Variants in IGBP1C observed in about 807,000 individuals in gnomAD.
IGBP1C encodes the protein IGBP1 family member C.
chr17:58,678,072 C>T, the IGBP1C span, among the ~76,000 whole-genome samples: 2 of 152,176 alleles, frequency 1.3e-5, no homozygotes, highest in African/African-American at 4.8e-5. Context: ...ATTGCTTGAA[C>T]CTGGTAGGCA....
At chr17:58,680,384 T>C in the IGBP1C span, among the ~76,000 whole-genome samples, 1 of 152,174 alleles carries the variant, frequency 6.6e-6, no homozygotes, top group Non-Finnish European at 1.5e-5. Context: ...ATGCTGTCTT[T>C]CAAACATGCA....
the IGBP1C span, among the ~76,000 whole-genome samples, chr17:58,682,936 G>A: frequency 6.6e-6 from 1 of 151,858 alleles, no homozygotes; most frequent in East Asian, 1.9e-4. Flanking sequence ...AAAAAAATGA[G>A]GAGCTGGATG....
chr17:58,661,808 T>C, the IGBP1C span: 1 of 488,182 alleles, frequency 2.0e-6, no homozygotes, highest in Non-Finnish European at 3.6e-6. Flanking sequence ...TTCGTCAAAC[T>C]TTGTCTCTCT....
At chr17:58,673,361 T>C in the IGBP1C span, among the ~76,000 whole-genome samples, 2 of 151,550 alleles carry the variant, frequency 1.3e-5, no homozygotes, top group African/African-American at 4.8e-5. Context: ...TGCACACCTG[T>C]AGTCCCAGCT....
At chr17:58,682,752 A>G in the IGBP1C span, among the ~76,000 whole-genome samples, 22 of 152,278 alleles carry the variant, frequency 1.4e-4, no homozygotes, top group African/African-American at 4.8e-4. Flanking sequence ...TTTCATTGCT[A>G]TTGGCCTAGT....
chr17:58,662,564 C>T, the IGBP1C span, among the ~76,000 whole-genome samples: 3 of 151,932 alleles, frequency 2.0e-5, no homozygotes, highest in East Asian at 1.9e-4. Context: ...AGTTCCCTTA[C>T]GTGTGGGGAA....
the IGBP1C span, among the ~76,000 whole-genome samples, chr17:58,684,792 T>C: frequency 2.0e-5 from 3 of 152,082 alleles, no homozygotes; most frequent in Admixed American, 2.0e-4. Context: ...CTGGCCAATA[T>C]GGCAAAACCC....
chr17:58,681,334 G>A, the IGBP1C span, among the ~76,000 whole-genome samples: 1 of 152,110 alleles, frequency 6.6e-6, no homozygotes, highest in Non-Finnish European at 1.5e-5. Flanking sequence ...AGGTGTCTTA[G>A]ATGGGGAGAA....
the IGBP1C span, among the ~76,000 whole-genome samples, chr17:58,690,206 G>A: frequency 6.6e-6 from 1 of 151,528 alleles, no homozygotes; most frequent in South Asian, 2.1e-4. Flanking sequence ...TCGCTCTGTC[G>A]CCCAGATTGG....
the IGBP1C span, chr17:58,675,600 TATA>T: frequency 6.6e-6 from 1 of 152,208 alleles, no homozygotes; most frequent in Admixed American, 6.6e-5. Flanking sequence ...AATTGTATGG[TATA>T]ATATTAACAG....
the IGBP1C span, among the ~76,000 whole-genome samples, chr17:58,668,828 A>C: frequency 5.3e-5 from 8 of 152,120 alleles, no homozygotes; most frequent in Non-Finnish European, 1.2e-4. Context: ...CCACCCTAAC[A>C]TCCTACCCAA....
At chr17:58,681,057 G>A in the IGBP1C span, among the ~76,000 whole-genome samples, 2 of 151,766 alleles carry the variant, frequency 1.3e-5, no homozygotes, top group Non-Finnish European at 2.9e-5. Context: ...TGAGGTGGGT[G>A]GATCACCTGA....
chr17:58,683,337 C>A, the IGBP1C span, among the ~76,000 whole-genome samples: 1 of 150,826 alleles, frequency 6.6e-6, no homozygotes, highest in East Asian at 1.9e-4. Flanking sequence ...CACACCACTG[C>A]ACTCCAGCCT....
chr17:58,690,813 C>T, the IGBP1C span, among the ~76,000 whole-genome samples: 33 of 152,202 alleles, frequency 2.2e-4, no homozygotes, highest in African/African-American at 7.7e-4. Context: ...CTTAATAGCT[C>T]GGGGTAGTAA....
the IGBP1C span, chr17:58,660,922 T>C: frequency 8.8e-6 from 8 of 904,004 alleles, no homozygotes; most frequent in African/African-American, 9.8e-5. Context: ...ATGCCTCTCT[T>C]GAAGAGTCTT....
chr17:58,673,051 C>CT, the IGBP1C span, among the ~76,000 whole-genome samples: 2 of 151,794 alleles, frequency 1.3e-5, no homozygotes, highest in Non-Finnish European at 2.9e-5. Context: ...TTTATACATA[C>CT]TTTTTTTAAA....
At chr17:58,672,625 A>T in the IGBP1C span, among the ~76,000 whole-genome samples, 1 of 152,000 alleles carries the variant, frequency 6.6e-6, no homozygotes, top group Admixed American at 6.6e-5. Context: ...TTGTATTTTT[A>T]GTAGAGACGG....
chr17:58,661,562 C>CGCG, the IGBP1C span: 2 of 742,128 alleles, frequency 2.7e-6, no homozygotes, highest in South Asian at 2.9e-5. Flanking sequence ...CTCGGGGAGC[C>CGCG]GCGGCGGCGG....
At chr17:58,671,103 A>G in the IGBP1C span, among the ~76,000 whole-genome samples, 3 of 151,998 alleles carry the variant, frequency 2.0e-5, no homozygotes, top group Non-Finnish European at 2.9e-5. Flanking sequence ...TCCCATCTCT[A>G]TATTTCTTTG....
Sources: allele counts gnomAD v4.1 joint callset (sites outside exome capture counted in the v4.1 genomes callset), GRCh38; gene constraint gnomAD v4.1.1; transcripts MANE v1.5; gene names NCBI Gene and HGNC (gene_info 2026-07-23, HGNC 2026-07-21).